The following WDR25 variants were observed in gnomAD, a reference collection of about 807,000 sequenced individuals.
The protein encoded by WDR25 is WD repeat domain 25, also known as WD repeat-containing protein 25.
Under a neutral mutation model 47.7 loss-of-function variants are expected in WDR25, and 35 were observed. That is an observed-to-expected ratio of 0.73 (90% CI 0.56 to 0.97). The LOEUF is 0.97. Ranked by LOEUF, WDR25 falls within the 50% of genes least tolerant of loss-of-function variation. The probability of loss-of-function intolerance (pLI) is 0.00; values close to 1 mark genes in which losing one functional copy is unlikely to be tolerated. For missense variants in WDR25, 634 were observed against 704.7 expected (o/e 0.90, Z 1.14); for synonymous variants, 248 against 278.9 (o/e 0.89, Z 1.10).
rs2030349670 is a variant in WDR25 at position 100,529,262 on chromosome 14, T to C, written c.1413+54T>C. On this transcript the variant is annotated intron_variant, in intron 6 of 6. Transcript: ENST00000402312. This position sits in a 1 kb window ranked among gnomAD's most constrained non-coding sequence, Gnocchi z 5.1. ...TGCTGAGCCCCAGCCCCAAGCCTCC[T>C]GGCAGTCCTGGACATGGGCCCTGGG... The C allele has an allele frequency of 6.2e-7, 1 of 1,608,224 alleles. No individual in the cohort carries two copies. The highest frequency in any genetic ancestry group is 1.3e-5 in the African/African-American group (1 of 75,004).
At chr14:100,391,784 A>G (rs1459157092) in intron 2 of WDR25, among the ~76,000 whole-genome samples, 1 of 152,238 alleles carries the variant, frequency 6.6e-6, no homozygotes, top group African/African-American at 2.4e-5. Context: ...TGTGGTCTCC[A>G]AATCCCTGGG....
At chr14:100,454,344 A>G (rs1899133341) in intron 2 of WDR25, 1 of 1,281,040 alleles carries the variant, frequency 7.8e-7, no homozygotes, top group African/African-American at 1.5e-5. Context: ...GTAATGGGGT[A>G]ATGGAGTATG....
At chr14:100,386,675 C>T (rs1426451968) in intron 2 of WDR25, among the ~76,000 whole-genome samples, 1 of 152,046 alleles carries the variant, frequency 6.6e-6, no homozygotes, top group East Asian at 1.9e-4. Context: ...AGGCGGATCA[C>T]GAGGTCAGGA....
At position 100,530,047 on chromosome 14, in the gene WDR25, T is replaced by G. The variant is rs1434318858; in HGVS notation, c.*6T>G. On this transcript the variant is annotated 3_prime_UTR_variant, in exon 7 of 7. Coordinates refer to ENST00000402312, the MANE Select transcript of WDR25 (RefSeq NM_001161476.3). ...ACATGAAGATCTGGCACTGAGCTTT[T>G]TGTCACTGAACCTTCCCGATGCCAG... 1 of 1,607,040 alleles carries G rather than the reference T, an allele frequency of 6.2e-7. No individual in the cohort carries two copies. Among genetic ancestry groups the G allele is most frequent in the Non-Finnish European group, 8.5e-7 (1 of 1,175,682 alleles).
At chr14:100,387,217 C>T (rs1432630119) in intron 2 of WDR25, among the ~76,000 whole-genome samples, 1 of 151,998 alleles carries the variant, frequency 6.6e-6, no homozygotes, top group Admixed American at 6.5e-5. Context: ...TTCTGATTCC[C>T]CTGTACCTGT....
At chr14:100,386,810 A>G (rs1315196923) in intron 2 of WDR25, among the ~76,000 whole-genome samples, 1 of 152,026 alleles carries the variant, frequency 6.6e-6, no homozygotes, top group Admixed American at 6.6e-5. Context: ...GGAGAATGGC[A>G]TGAACCCAGG....
At chr14:100,429,111 C>T (rs1321280041) in intron 2 of WDR25, among the ~76,000 whole-genome samples, 1 of 152,164 alleles carries the variant, frequency 6.6e-6, no homozygotes, top group South Asian at 2.1e-4. Flanking sequence ...TTTTGTCCCC[C>T]GGGTTTTGAT....
At chr14:100,460,333 T>C (rs529361587) in intron 2 of WDR25, among the ~76,000 whole-genome samples, 54 of 152,100 alleles carry the variant, frequency 3.6e-4, no homozygotes, top group African/African-American at 1.2e-3. Context: ...AGGATGGTCT[T>C]GATCTCCTGA....
Position 100,529,622 on chromosome 14 carries a change from C to G in WDR25, c.1414-198C>G. On this transcript the variant is annotated intron_variant, in intron 6 of 6. Coordinates refer to ENST00000402312, the MANE Select transcript of WDR25 (RefSeq NM_001161476.3). This position sits in a 1 kb window ranked among gnomAD's most constrained non-coding sequence, Gnocchi z 5.1. The stretch of plus-strand genomic sequence containing the variant: ...AGCTGGTCCCGCTGGATCTGCTGAA[C>G]TGGCCTTGGGATGTGGGCCCGCATC... 1 of 640,864 alleles carries G rather than the reference C, an allele frequency of 1.6e-6. No homozygotes were observed. The highest frequency in any genetic ancestry group is 1.8e-5 in the African/African-American group (1 of 54,694). 39.7% of individuals were successfully genotyped at this position (640,864 alleles called of 1,614,324 possible).
chr14:100,522,389 A>C (rs1357145812), intron 4 of WDR25, among the ~76,000 whole-genome samples: 1 of 152,120 alleles, frequency 6.6e-6, no homozygotes, highest in African/African-American at 2.4e-5. Flanking sequence ...ACTTTGTTTA[A>C]TGTAAATGTC....
chr14:100,444,806 G>A (rs1197794782), intron 2 of WDR25, among the ~76,000 whole-genome samples: 1 of 152,224 alleles, frequency 6.6e-6, no homozygotes, highest in Admixed American at 6.5e-5. Flanking sequence ...CCGACACTGC[G>A]CTCTCTTGGC....
chr14:100,443,889 A>G (rs761537058), intron 2 of WDR25, among the ~76,000 whole-genome samples: 6 of 152,186 alleles, frequency 3.9e-5, no homozygotes, highest in Non-Finnish European at 7.3e-5. Flanking sequence ...GGTGCTCCTC[A>G]TGCATATTCT....
intron 2 of WDR25, among the ~76,000 whole-genome samples, chr14:100,396,890 A>G (rs1281251488): frequency 6.6e-6 from 1 of 152,238 alleles, no homozygotes; most frequent in Non-Finnish European, 1.5e-5. Context: ...TGTGAGGATA[A>G]ATGTTGTGGT....
chr14:100,377,533 C>T (rs1896739690), intron 1 of WDR25, among the ~76,000 whole-genome samples: 1 of 151,748 alleles, frequency 6.6e-6, no homozygotes, highest in Non-Finnish European at 1.5e-5. Context: ...TGGTCTTGAA[C>T]CCCCGACCTC....
rs1041410258 is a variant in WDR25 at position 100,500,969 on chromosome 14, T to C, written c.1101+16845T>C. On this transcript the variant is annotated intron_variant, in intron 4 of 6. Transcript: ENST00000402312. The surrounding 1 kb of genome is among the most constrained non-coding windows in gnomAD (Gnocchi z 4.7). ...ATTTAAAATTTCACAGTCTTCAACA[T>C]GACAGTTTCTCTGTGGGTATGTTTA... Among the ~76,000 whole-genome samples the C allele has an allele frequency of 2.0e-5, 3 of 152,252 alleles. No individual in the cohort carries two copies. The highest frequency in any genetic ancestry group is 1.9e-4 in the East Asian group (1 of 5,206).
intron 2 of WDR25, among the ~76,000 whole-genome samples, chr14:100,384,511 C>A (rs1896975840): frequency 1.3e-5 from 2 of 152,188 alleles, no homozygotes; most frequent in Admixed American, 1.3e-4. Flanking sequence ...CGTGGCCTGG[C>A]TGGGAGGCAC....
chr14:100,403,901 T>A (rs1296170649), intron 2 of WDR25, among the ~76,000 whole-genome samples: 1 of 152,172 alleles, frequency 6.6e-6, no homozygotes, highest in African/African-American at 2.4e-5. Flanking sequence ...GGAATAAGAA[T>A]GGATGATGGA....
chr14:100,468,927 A>T lies in WDR25; in HGVS notation c.970+759A>T, dbSNP rs752967797. ...CTTTTCTTTCCTTTCCTTTCCCTCT[A>T]TGTTCTCTTTCTTTTCTTTCTTTCC... On this transcript the variant is annotated intron_variant, in intron 3 of 6. Coordinates refer to ENST00000402312, the MANE Select transcript of WDR25 (RefSeq NM_001161476.3). The surrounding 1 kb of genome is among the most constrained non-coding windows in gnomAD (Gnocchi z 4.5). Among the ~76,000 whole-genome samples the T allele has an allele frequency of 4.9e-5, 7 of 141,802 alleles. No homozygotes were observed. The highest frequency in any genetic ancestry group is 1.6e-4 in the African/African-American group (6 of 38,056). 93.0% of individuals were successfully genotyped at this position (141,802 alleles called of 152,430 possible). A position where few individuals can be genotyped will look rare whatever the true frequency, so the allele number is the denominator to read the frequency against.
Position 100,381,844 on chromosome 14 carries a change from T to G in WDR25, c.822+98T>G, listed in dbSNP as rs912354532. 6.8e-5 allele frequency: 68 copies of G among 1,006,598 alleles called. 1 individual carries two copies. Among genetic ancestry groups the G allele is most frequent in the Admixed American group, 5.3e-4 (19 of 35,738 alleles). The allele number at this position is 1,006,598 out of a possible 1,614,324, so 62.4% of individuals were successfully genotyped here. On this transcript the variant is annotated intron_variant, in intron 2 of 6. Coordinates refer to ENST00000402312, the MANE Select transcript of WDR25 (RefSeq NM_001161476.3). ...GGGAGGTTACAGGCTGAACTTTTTT[T>G]TGTGTGCAGATTTCTGTAATTCCCT... is the stretch of plus-strand genomic sequence containing the variant.
Sources: allele counts gnomAD v4.1 joint callset (sites outside exome capture counted in the v4.1 genomes callset), GRCh38; gene constraint gnomAD v4.1.1; non-coding constraint Gnocchi (gnomAD v3.1); transcripts MANE v1.5; gene names NCBI Gene and HGNC (gene_info 2026-07-23, HGNC 2026-07-21).